Variants in NCR3 observed in about 807,000 individuals in gnomAD.
NCR3 encodes NK-p30.
A neutral mutation model predicts 16.1 loss-of-function variants in NCR3; 13 were observed. The observed-to-expected ratio is 0.81, with a 90% confidence interval of 0.53 to 1.28. The LOEUF (loss-of-function observed/expected upper bound fraction) is 1.28. NCR3 is among the 50% of genes most tolerant of loss of function. The probability of loss-of-function intolerance (pLI) is 0.00; values close to 1 mark genes in which losing one functional copy is unlikely to be tolerated. For synonymous variants in NCR3, 98 were observed against 106.6 expected (o/e 0.92, Z 0.50); for missense variants, 202 against 256.8 (o/e 0.79, Z 1.46).
At chr6:31,590,232 G>T in intron 1 of NCR3, 106 bp from the exon 2 acceptor site, 1 of 919,988 alleles carries the variant, frequency 1.1e-6, no homozygotes, top group Non-Finnish European at 1.6e-6. Flanking sequence ...GGCATAGGGT[G>T]CATGGGAATA....
At position 31,592,985 on chromosome 6, in the gene NCR3, G is replaced by T; in HGVS notation, c.-264C>A. The T allele has an allele frequency of 1.7e-6, 1 of 575,692 alleles. No homozygotes were observed. Among genetic ancestry groups the T allele is most frequent in the Non-Finnish European group, 3.1e-6 (1 of 319,950 alleles). The allele number at this position is 575,692 out of a possible 1,614,324, so 35.7% of individuals were successfully genotyped here. On this transcript the variant is annotated 5_prime_UTR_variant, in exon 1 of 4. Coordinates refer to ENST00000340027, the MANE Select transcript of NCR3 (RefSeq NM_147130.3). ...TAGGAGGCCAAGGGGCCAGCTTGTG[G>T]CAGGCTAGCTAAGCGTGTGAGGGGG...
At position 31,589,119 on chromosome 6, in the gene NCR3, G is replaced by A. The variant is rs369219200; in HGVS notation, c.554C>T (p.Pro185Leu). Residue 185 changes from proline to leucine, a missense_variant, in exon 4 of 4, where the codon CCA becomes CTA. Pro to Leu is a moderately conservative substitution (Grantham distance 98, BLOSUM62 -3). Coordinates refer to ENST00000340027, the MANE Select transcript of NCR3 (RefSeq NM_147130.3). This position sits in a 1 kb window ranked among gnomAD's most constrained non-coding sequence, Gnocchi z 4.8. Reference sequence around the variant, plus strand: ...ATGTGCTGAGCTCCCACATGGTGGTGGGAGGGGCGCTGGGACCACAGCCGG... The same window carrying A: ...ATGTGCTGAGCTCCCACATGGTGGTAGGAGGGGCGCTGGGACCACAGCCGG... ...QLPAVVPAPLPPPCGSSAHLL... is the reference protein window; with the variant it reads ...QLPAVVPAPLLPPCGSSAHLL... 12 of 1,612,424 alleles carry A rather than the reference G, an allele frequency of 7.4e-6. No individual in the cohort carries two copies. Among genetic ancestry groups the A allele is most frequent in the Non-Finnish European group, 1.0e-5 (12 of 1,179,064 alleles).
At chr6:31,590,176 G>A (rs754938685) in intron 1 of NCR3, 50 bp from the exon 2 acceptor site, 7 of 1,501,378 alleles carry the variant, frequency 4.7e-6, no homozygotes, top group Admixed American at 2.1e-5. Context: ...TTATTCCAAA[G>A]AGAAAAGACA....
At position 31,592,824 on chromosome 6, in the gene NCR3, G is replaced by T; in HGVS notation, c.-103C>A. ...GCCAGGCCTTTGGTCACCAGATGGG[G>T]ATGGGGAGCTTCCTATGACACACGG... On this transcript the variant is annotated 5_prime_UTR_variant, in exon 1 of 4. Transcript: ENST00000340027. 1 of 1,260,794 alleles carries T rather than the reference G, an allele frequency of 7.9e-7. No individual in the cohort carries two copies. The highest frequency in any genetic ancestry group is 1.1e-6 in the Non-Finnish European group (1 of 870,964). The allele number at this position is 1,260,794 out of a possible 1,614,324, so 78.1% of individuals were successfully genotyped here. A position where few individuals can be genotyped will look rare whatever the true frequency, so the allele number is the denominator to read the frequency against.
At position 31,589,591 on chromosome 6, in the gene NCR3, G is replaced by A. The variant is rs755842303; in HGVS notation, c.431C>T (p.Ala144Val). The A allele has an allele frequency of 4.3e-6, 7 of 1,613,952 alleles. No homozygotes were observed. Among genetic ancestry groups the A allele is most frequent in the Non-Finnish European group, 5.9e-6 (7 of 1,180,032 alleles). ...GAGAAAGCTGACAGCATAGAATCCA[G>A]CCCGAAGGAGGAGGACTGTACCAGC... The part of the protein sequence containing the change: ...LGAGTVLLLR[A>V]GFYAVSFLSV... The change falls in exon 3 of 4, where the codon GCT becomes GTT. Residue 144 changes from alanine to valine, a missense_variant. By Grantham distance (64) the Ala-to-Val change is moderately conservative (BLOSUM62 0). Transcript: ENST00000340027. The surrounding 1 kb of genome is among the most constrained non-coding windows in gnomAD (Gnocchi z 4.8).
Position 31,589,091 on chromosome 6 carries a change from C to A in NCR3, c.582G>T (p.Leu194=). Residue 194 remains leucine (L), a synonymous_variant, in exon 4 of 4, where the codon CTG becomes CTT. Coordinates refer to ENST00000340027, the MANE Select transcript of NCR3 (RefSeq NM_147130.3). This position sits in a 1 kb window ranked among gnomAD's most constrained non-coding sequence, Gnocchi z 4.8. ...CTCAGCCTCCTGGGACTGGGGGAAG[C>A]AGATGTGCTGAGCTCCCACATGGTG... ...LPPPCGSSAH[L]LPPVPGG 2.5e-6 allele frequency: 4 copies of A among 1,601,738 alleles called. No individual in the cohort carries two copies. Among genetic ancestry groups the A allele is most frequent in the Admixed American group, 1.7e-5 (1 of 58,474 alleles).
In NCR3 at chr6:31,592,742, G is replaced by A. The variant is rs1350943168; in HGVS notation, c.-21C>T. The A allele has an allele frequency of 1.9e-6, 3 of 1,612,890 alleles. No individual in the cohort carries two copies. In the South Asian group the frequency reaches 3.3e-5, roughly 18 times the overall value. On this transcript the variant is annotated 5_prime_UTR_variant, in exon 1 of 4. Coordinates refer to ENST00000340027, the MANE Select transcript of NCR3 (RefSeq NM_147130.3). ...GCCATGTCGGAAGATGTCCCAGTTG[G>A]CGAAGGGGATCTGAGCAGTGAGGTC...
In NCR3 at chr6:31,590,032, C is replaced by G; in HGVS notation, c.138G>C (p.Gly46=). The change falls in exon 2 of 4, where the codon GGG becomes GGC. Residue 46 remains glycine (G), a synonymous_variant. Transcript: ENST00000340027. ...FLPCSFNASQ[G]RLAIGSVTWF... ...ACGTGACGGAGCCAATGGCCAGTCT[C>G]CCTTGGCTGGCATTGAAGGAGCAGG... 6.2e-7 allele frequency: 1 copy of G among 1,613,066 alleles called. No homozygotes were observed. Among genetic ancestry groups the G allele is most frequent in the Non-Finnish European group, 8.5e-7 (1 of 1,180,018 alleles).
At position 31,592,943 on chromosome 6, in the gene NCR3, G is replaced by A; in HGVS notation, c.-222C>T. ...AGGAGAGAGGACAGATGCTGCTGGA[G>A]GAGATGTCAGGGTCTCTAGGAGGCC... On this transcript the variant is annotated 5_prime_UTR_variant, in exon 1 of 4. Transcript: ENST00000340027. The A allele has an allele frequency of 3.3e-6, 2 of 614,670 alleles. No individual in the cohort carries two copies. Among genetic ancestry groups the A allele is most frequent in the South Asian group, 1.8e-5 (1 of 54,756 alleles). 38.1% of individuals were successfully genotyped at this position (614,670 alleles called of 1,614,324 possible).
chr6:31,590,339 C>T (rs948907376), intron 1 of NCR3, among the ~76,000 whole-genome samples: 9 of 152,130 alleles, frequency 5.9e-5, no homozygotes, highest in Admixed American at 1.3e-4. Flanking sequence ...CAGTGGCTCA[C>T]GCCTGTAATC....
intron 1 of NCR3, among the ~76,000 whole-genome samples, chr6:31,591,712 A>G (rs1481566309): frequency 6.6e-6 from 1 of 152,112 alleles, no homozygotes; most frequent in African/African-American, 2.4e-5. Context: ...GCTACTTGGG[A>G]GGCTGAGACA....
chr6:31,589,711 T>C lies in NCR3; in HGVS notation c.388+71A>G. On this transcript the variant is annotated intron_variant, in intron 2 of 3. Transcript: ENST00000340027. The surrounding 1 kb of genome is among the most constrained non-coding windows in gnomAD (Gnocchi z 4.8). ...GGAGGGAAGGGGCCTCAGAGGAGCA[T>C]CCCTGCCTCCCAAGGACATTGCCTC... 1 of 1,604,334 alleles carries C rather than the reference T, an allele frequency of 6.2e-7. No homozygotes were observed. The highest frequency in any genetic ancestry group is 8.5e-7 in the Non-Finnish European group (1 of 1,173,750).
Position 31,589,906 on chromosome 6 carries a change from G to T in NCR3, c.264C>A (p.Asp88Glu). The T allele has an allele frequency of 5.6e-6, 9 of 1,613,168 alleles. No individual in the cohort carries two copies. The highest frequency in any genetic ancestry group is 7.6e-6 in the Non-Finnish European group (9 of 1,180,046). The change falls in exon 2 of 4, where the codon GAC becomes GAA. Residue 88 changes from aspartate (D) to glutamate (E), a missense_variant. By Grantham distance (45) the Asp-to-Glu change is conservative. Coordinates refer to ENST00000340027, the MANE Select transcript of NCR3 (RefSeq NM_147130.3). The surrounding 1 kb of genome is among the most constrained non-coding windows in gnomAD (Gnocchi z 4.8). ...APLASSRFLH[D>E]HQAELHIRDV... ...CCCGGATGTGCAGCTCAGCCTGGTG[G>T]TCATGGAGGAAACGGGAAGAAGCAA...
intron 1 of NCR3, 130 bp from the exon 2 acceptor site, chr6:31,590,256 C>T: frequency 5.7e-6 from 4 of 698,538 alleles, no homozygotes; most frequent in Non-Finnish European, 7.1e-6. Context: ...ACTTTGGGTG[C>T]CTCATTAAAC....
Position 31,589,188 on chromosome 6 carries a change from GA to G in NCR3, c.497-13del, listed in dbSNP as rs1375048325. On this transcript the variant is annotated splice_polypyrimidine_tract_variant and intron_variant, in intron 3 of 3. Coordinates refer to ENST00000340027, the MANE Select transcript of NCR3 (RefSeq NM_147130.3). This position sits in a 1 kb window ranked among gnomAD's most constrained non-coding sequence, Gnocchi z 4.8. ...TTTCCAGGTCAGACCTGGTGGAAGGGAAAGTTCAGAGTTGGGGGAATCCGGA... is the reference window on the plus strand; with the variant it reads ...TTTCCAGGTCAGACCTGGTGGAAGGGAAGTTCAGAGTTGGGGGAATCCGGA... The G allele has an allele frequency of 3.7e-6, 6 of 1,612,468 alleles. No individual in the cohort carries two copies. In the African/African-American group the frequency reaches 6.7e-5, roughly 18 times the overall value.
Position 31,590,133 on chromosome 6 carries a change from G to A in NCR3, c.44-7C>T, listed in dbSNP as rs751812115. The A allele has an allele frequency of 4.4e-6, 7 of 1,596,024 alleles. No homozygotes were observed. The highest frequency in any genetic ancestry group is 2.7e-5 in the African/African-American group (2 of 74,070). ...ACCCAGAGAGCACAGGATCCTGGGG[G>A]CAGAAGGAAGACCCAGAGAAACACC... is the stretch of plus-strand genomic sequence containing the variant. On this transcript the variant is annotated splice_polypyrimidine_tract_variant and splice_region_variant and intron_variant, in intron 1 of 3. Transcript: ENST00000340027.
intron 1 of NCR3, 49 bp downstream of exon 1, chr6:31,592,630 C>T: frequency 6.2e-7 from 1 of 1,608,696 alleles, no homozygotes; most frequent in Non-Finnish European, 8.5e-7. Context: ...TCCTGGATCT[C>T]CCTCCTCCCA....
In NCR3 at chr6:31,592,743, C is replaced by A. The variant is rs746819857; in HGVS notation, c.-22G>T. On this transcript the variant is annotated 5_prime_UTR_variant, in exon 1 of 4. Transcript: ENST00000340027. ...CCATGTCGGAAGATGTCCCAGTTGG[C>A]GAAGGGGATCTGAGCAGTGAGGTCT... The A allele has an allele frequency of 6.2e-7, 1 of 1,612,764 alleles. No homozygotes were observed. The highest frequency in any genetic ancestry group is 1.1e-5 in the South Asian group (1 of 91,064).
Position 31,592,946 on chromosome 6 carries a change from G to A in NCR3, c.-225C>T. 1 of 615,296 alleles carries A rather than the reference G, an allele frequency of 1.6e-6. No homozygotes were observed. Among genetic ancestry groups the A allele is most frequent in the South Asian group, 1.8e-5 (1 of 54,638 alleles). The allele number at this position is 615,296 out of a possible 1,614,324, so 38.1% of individuals were successfully genotyped here. ...AGAGAGGACAGATGCTGCTGGAGGA[G>A]ATGTCAGGGTCTCTAGGAGGCCAAG... On this transcript the variant is annotated 5_prime_UTR_variant, in exon 1 of 4. Transcript: ENST00000340027.
Sources: allele counts gnomAD v4.1 joint callset (sites outside exome capture counted in the v4.1 genomes callset), GRCh38; gene constraint gnomAD v4.1.1; non-coding constraint Gnocchi (gnomAD v3.1); transcripts MANE v1.5; gene names NCBI Gene and HGNC (gene_info 2026-07-23, HGNC 2026-07-21).